ADGRG2: variants seen among roughly 807,000 people sequenced by gnomAD.
ADGRG2 encodes G protein-coupled receptor 64.
ADGRG2 carries 26 observed loss-of-function variants against 74.1 expected under a neutral mutation model. That is an observed-to-expected ratio of 0.35 (90% CI 0.26 to 0.49). ADGRG2 has a LOEUF of 0.49. ADGRG2 is among the 20% of genes least tolerant of loss of function. The pLI, the probability that ADGRG2 is intolerant of heterozygous loss-of-function variation, is 0.99. For synonymous variants in ADGRG2, 296 were observed against 295.2 expected, an observed-to-expected ratio of 1.00 and a Z score of -0.03; for missense variants, 619 against 763.1, an observed-to-expected ratio of 0.81 and a Z score of 2.22.
At chrX:19,112,976 C>CAAAAAAAAAACAAAAAAAAA (rs2062440200) in intron 1 of ADGRG2, among the ~76,000 whole-genome samples, 1 of 43,246 alleles carries the variant, frequency 2.3e-5, no homozygotes, top group Admixed American at 2.6e-4. Flanking sequence ...ACAACAACAA[C>CAAAAAAAAAACAAAAAAAAA]AAAAAAAAAA....
chrX:19,040,438 A>T (rs1490924741), intron 3 of ADGRG2, among the ~76,000 whole-genome samples: 1 of 112,231 alleles, frequency 8.9e-6, no homozygotes, highest in Non-Finnish European at 1.9e-5. Context: ...AATGTGCACA[A>T]TAAAATTTAT....
intron 3 of ADGRG2, among the ~76,000 whole-genome samples, chrX:19,041,503 G>A (rs2061063612): frequency 8.9e-6 from 1 of 112,102 alleles, no homozygotes; most frequent in South Asian, 3.7e-4. Flanking sequence ...GAAAGAATAA[G>A]TATGTTTGCA....
intron 1 of ADGRG2, among the ~76,000 whole-genome samples, chrX:19,094,208 G>C (rs965388335): frequency 5.4e-5 from 6 of 111,187 alleles, no homozygotes; most frequent in Admixed American, 4.8e-4. Flanking sequence ...AGTATGGATA[G>C]AAAGCAGGGA....
rs147954134 is a variant in ADGRG2, at chrX:19,023,421, G to A, written c.543C>T (p.Ala181=). The change falls in exon 13 of 29, where the codon GCC becomes GCT. Residue 181 remains alanine, a synonymous_variant. Coordinates refer to ENST00000379869, the MANE Select transcript of ADGRG2 (RefSeq NM_001079858.3). The part of the protein sequence containing the change: ...TYFIMCATAE[A]QSTLNCTFTI... Reference sequence around the variant, plus strand: ...AAGTATTAAAAATGACTGACCTTTGGGCCTCTGCTGTAGCACACATTATAA... The same window carrying A: ...AAGTATTAAAAATGACTGACCTTTGAGCCTCTGCTGTAGCACACATTATAA... 1 of 1,100,728 alleles carries A rather than the reference G, an allele frequency of 9.1e-7. No homozygotes were observed. The highest frequency in any genetic ancestry group is 1.2e-6 in the Non-Finnish European group (1 of 808,573). 90.7% of individuals were successfully genotyped at this position (1,100,728 alleles called of 1,213,427 possible). A position where few individuals can be genotyped will look rare whatever the true frequency, so the allele number is the denominator to read the frequency against.
At chrX:19,116,839 G>C (rs1051912206) in intron 1 of ADGRG2, among the ~76,000 whole-genome samples, 2 of 111,787 alleles carry the variant, frequency 1.8e-5, no homozygotes, top group African/African-American at 6.5e-5. Flanking sequence ...CAAATGAAAG[G>C]GTAGTCAAAT....
intron 2 of ADGRG2, among the ~76,000 whole-genome samples, chrX:19,078,873 CAGAG>C (rs1239936834): frequency 6.5e-5 from 7 of 107,950 alleles, no homozygotes; most frequent in South Asian, 8.0e-4. Context: ...AATCAAGAGA[CAGAG>C]GGAGGGGAGG....
chrX:19,079,498 G>A (rs907547432), intron 2 of ADGRG2, among the ~76,000 whole-genome samples: 13 of 112,242 alleles, frequency 1.2e-4, no homozygotes, highest in African/African-American at 3.9e-4. Context: ...ACTAAAGCCA[G>A]TATTACCGTA....
At chrX:19,099,491 CA>C (rs1353880706) in intron 1 of ADGRG2, among the ~76,000 whole-genome samples, 9 of 111,991 alleles carry the variant, frequency 8.0e-5, no homozygotes, top group African/African-American at 2.9e-4. Flanking sequence ...AGAAGGCATA[CA>C]ATTATGACTG....
intron 20 of ADGRG2, among the ~76,000 whole-genome samples, chrX:19,006,599 C>T (rs1420767507): frequency 1.8e-5 from 2 of 110,075 alleles, no homozygotes; most frequent in East Asian, 5.7e-4. Context: ...GTCTGTGGAC[C>T]ACACTGTGAG....
chrX:19,047,629 G>C (rs1206710061), intron 3 of ADGRG2, among the ~76,000 whole-genome samples: 2 of 111,918 alleles, frequency 1.8e-5, no homozygotes, highest in Non-Finnish European at 3.8e-5. Context: ...CAACCCAACT[G>C]AAACTTGTAA....
intron 26 of ADGRG2, among the ~76,000 whole-genome samples, chrX:18,996,886 C>A: frequency 9.0e-6 from 1 of 111,496 alleles, no homozygotes. Flanking sequence ...CTGCTTTCTA[C>A]TTAAAAACCC....
In ADGRG2 at chrX:19,021,376, G is replaced by T. The variant is rs995664883; in HGVS notation, c.549-178C>A. 13 of 486,364 alleles carry T rather than the reference G, an allele frequency of 2.7e-5. No individual in the cohort carries two copies. In the Middle Eastern group the frequency reaches 1.3e-3, roughly 49 times the overall value. 40.1% of individuals were successfully genotyped at this position (486,364 alleles called of 1,213,427 possible). On this transcript the variant is annotated intron_variant, in intron 13 of 28. Transcript: ENST00000379869. ...CCACGGTCTGAATTTTACCCAAAAA[G>T]ACTTTATATTAAGAGACATTTATGG...
intron 2 of ADGRG2, among the ~76,000 whole-genome samples, chrX:19,074,265 G>A (rs956078155): frequency 3.4e-5 from 3 of 89,079 alleles, no homozygotes; most frequent in African/African-American, 4.5e-5. Flanking sequence ...TTTGAGACAG[G>A]GTCTCATTCT....
intron 18 of ADGRG2, among the ~76,000 whole-genome samples, chrX:19,008,910 T>C (rs1168377111): frequency 9.0e-6 from 1 of 111,353 alleles, no homozygotes; most frequent in East Asian, 2.8e-4. Flanking sequence ...TCCTTGGGTG[T>C]TTGTAGCCCC....
chrX:19,058,647 C>T lies in ADGRG2; in HGVS notation c.118+10070G>A, dbSNP rs1303894276. ...ACATTAGAGTAACTTTTACTTTATG[C>T]TCTGTTCACTTCTAAAAGAAAAGTA... On this transcript the variant is annotated intron_variant, in intron 3 of 28. Coordinates refer to ENST00000379869, the MANE Select transcript of ADGRG2 (RefSeq NM_001079858.3). 4.5e-5 allele frequency among the ~76,000 whole-genome samples: 5 copies of T among 112,198 alleles called. No homozygotes were observed. In the East Asian group the frequency reaches 1.4e-3, roughly 31 times the overall value.
chrX:19,053,184 G>C (rs1466083777), intron 3 of ADGRG2, among the ~76,000 whole-genome samples: 1 of 110,491 alleles, frequency 9.1e-6, no homozygotes, highest in Non-Finnish European at 1.9e-5. Context: ...AATATTTTTT[G>C]TATAACTATG....
intron 17 of ADGRG2, 87 bp from the exon 18 acceptor site, chrX:19,009,869 G>T: frequency 1.3e-6 from 1 of 750,846 alleles, no homozygotes; most frequent in South Asian, 2.8e-5. Context: ...GGGGTGCAGT[G>T]GCGTGATCTC....
intron 1 of ADGRG2, among the ~76,000 whole-genome samples, chrX:19,110,409 G>A (rs1042616118): frequency 9.0e-6 from 1 of 111,275 alleles, no homozygotes; most frequent in African/African-American, 3.3e-5. Context: ...GGGACCAGGC[G>A]CGGTGGCTCA....
chrX:19,115,036 C>T (rs567765856), intron 1 of ADGRG2, among the ~76,000 whole-genome samples: 1 of 111,851 alleles, frequency 8.9e-6, no homozygotes, highest in Admixed American at 9.5e-5. Context: ...TAAATATTAG[C>T]TATCATTATT....
Sources: gnomAD v4.1 joint callset for allele counts (sites outside exome capture counted in the v4.1 genomes callset) on GRCh38, gnomAD v4.1.1 for gene constraint, MANE v1.5 for transcripts, NCBI Gene and HGNC (gene_info 2026-07-23, HGNC 2026-07-21) for gene names.